Variants in ROBO2 observed in about 807,000 individuals in gnomAD.
The protein encoded by ROBO2 is roundabout homolog 2.
A neutral mutation model predicts 160.8 loss-of-function variants in ROBO2; 53 were observed. The observed-to-expected ratio is 0.33, with a 90% CI of 0.26 to 0.41. ROBO2 has a LOEUF of 0.41. ROBO2 is among the 10% of genes least tolerant of loss of function. The pLI, the probability that ROBO2 is intolerant of heterozygous loss-of-function variation, is 1.00. For missense variants in ROBO2, 1,577 were observed against 1,722.4 expected (o/e 0.92, Z 1.49); for synonymous variants, 664 against 611.7 (o/e 1.09, Z -1.26).
At chr3:76,206,779 T>C (rs1702834088) in intron 2 of ROBO2, among the ~76,000 whole-genome samples, 1 of 152,166 alleles carries the variant, frequency 6.6e-6, no homozygotes. Flanking sequence ...GGGATTCTAA[T>C]ACATCCCCCA....
intron 2 of ROBO2, among the ~76,000 whole-genome samples, chr3:76,830,358 A>G (rs1379709151): frequency 6.6e-6 from 1 of 152,042 alleles, no homozygotes; most frequent in African/African-American, 2.4e-5. Flanking sequence ...ATTTTAACAG[A>G]TATTGTTCTA....
At chr3:77,346,570 T>C (rs1363898338) in intron 2 of ROBO2, among the ~76,000 whole-genome samples, 3 of 152,176 alleles carry the variant, frequency 2.0e-5, no homozygotes, top group Non-Finnish European at 2.9e-5. Context: ...TAGGCTCAGC[T>C]ACCTTTCTGC....
intron 2 of ROBO2, among the ~76,000 whole-genome samples, chr3:76,588,041 T>G (rs1298826271): frequency 6.6e-6 from 1 of 152,178 alleles, no homozygotes; most frequent in Non-Finnish European, 1.5e-5. Flanking sequence ...ATAAAATTAA[T>G]GGGGTGTGTG....
At chr3:77,099,940 A>G (rs961286651) in intron 2 of ROBO2, among the ~76,000 whole-genome samples, 2 of 152,022 alleles carry the variant, frequency 1.3e-5, no homozygotes, top group Non-Finnish European at 2.9e-5. Flanking sequence ...TCTATTTTAA[A>G]TATATAAAAA....
intron 2 of ROBO2, among the ~76,000 whole-genome samples, chr3:76,114,563 TATTATC>T (rs1489209019): frequency 2.6e-5 from 4 of 152,122 alleles, no homozygotes; most frequent in African/African-American, 4.8e-5. Flanking sequence ...CTGATATAAT[TATTATC>T]ATTATCTTTA....
intron 2 of ROBO2, among the ~76,000 whole-genome samples, chr3:76,321,366 T>G (rs1433694789): frequency 1.3e-5 from 2 of 151,802 alleles, no homozygotes; most frequent in Admixed American, 1.3e-4. Flanking sequence ...AATACAAAAA[T>G]TAGCTGGGCG....
At chr3:76,131,331 G>A (rs964680687) in intron 2 of ROBO2, among the ~76,000 whole-genome samples, 1 of 152,076 alleles carries the variant, frequency 6.6e-6, no homozygotes, top group Non-Finnish European at 1.5e-5. Flanking sequence ...AATCAGAAAG[G>A]CATTGTGACA....
At chr3:77,296,540 C>G (rs963838000) in intron 2 of ROBO2, among the ~76,000 whole-genome samples, 2 of 151,884 alleles carry the variant, frequency 1.3e-5, no homozygotes, top group South Asian at 2.1e-4. Context: ...TCTTTTTTTC[C>G]TAAATTACTG....
intron 5 of ROBO2, among the ~76,000 whole-genome samples, chr3:77,505,493 A>G (rs1235299100): frequency 1.3e-5 from 2 of 152,158 alleles, no homozygotes; most frequent in African/African-American, 2.4e-5. Context: ...ATCATTTTTA[A>G]TCATGTAATA....
intron 2 of ROBO2, among the ~76,000 whole-genome samples, chr3:76,000,246 A>G (rs529177102): frequency 1.3e-5 from 2 of 152,252 alleles, no homozygotes; most frequent in Non-Finnish European, 2.9e-5. Flanking sequence ...AGATGACGCT[A>G]AGAGAGAATT....
intron 8 of ROBO2, among the ~76,000 whole-genome samples, chr3:77,553,508 A>G (rs2092997739): frequency 6.6e-6 from 1 of 151,968 alleles, no homozygotes; most frequent in Admixed American, 6.6e-5. Context: ...CATGTCAAAA[A>G]CTGAGATAGG....
At position 76,524,583 on chromosome 3, in the gene ROBO2, A is replaced by G. The variant is rs75655797; in HGVS notation, c.110-573431A>G. On this transcript the variant is annotated intron_variant, in intron 2 of 26. Coordinates refer to the ROBO2 transcript ENST00000487694. ...ATGGGACGCTTTTCAATGGAATTCA[A>G]TGATTTCCATCAGTTATCATTTTTA... 1.4e-3 allele frequency among the ~76,000 whole-genome samples: 209 copies of G among 151,848 alleles called. 2 individuals carry two copies. In the East Asian group the frequency reaches 0.039, roughly 28 times the overall value.
chr3:76,204,506 A>T (rs1302088003), intron 2 of ROBO2, among the ~76,000 whole-genome samples: 1 of 152,214 alleles, frequency 6.6e-6, no homozygotes, highest in African/African-American at 2.4e-5. Context: ...CTGGAGAGAA[A>T]TAGAATGTTC....
intron 2 of ROBO2, among the ~76,000 whole-genome samples, chr3:77,110,780 A>C (rs559945822): frequency 1.3e-5 from 2 of 151,938 alleles, no homozygotes; most frequent in South Asian, 4.2e-4. Context: ...TGCAGCCTTG[A>C]CTTCCCAGAC....
chr3:77,640,199 C>G (rs1015353905), intron 24 of ROBO2, among the ~76,000 whole-genome samples: 2 of 148,830 alleles, frequency 1.3e-5, no homozygotes, highest in African/African-American at 2.5e-5. Flanking sequence ...GCAAGATCCG[C>G]CTCCCGGGTT....
intron 2 of ROBO2, among the ~76,000 whole-genome samples, chr3:76,265,738 C>T (rs539068499): frequency 1.7e-4 from 26 of 152,084 alleles, no homozygotes; most frequent in Non-Finnish European, 3.4e-4. Flanking sequence ...AAAGAAGGGT[C>T]AGAACCAGAG....
chr3:76,879,166 T>A (rs2073087021), intron 2 of ROBO2, among the ~76,000 whole-genome samples: 1 of 152,174 alleles, frequency 6.6e-6, no homozygotes, highest in African/African-American at 2.4e-5. Context: ...AGTTTTCATG[T>A]CGTATTTAAT....
At chr3:76,028,993 A>C (rs1240286443) in intron 2 of ROBO2, among the ~76,000 whole-genome samples, 1 of 152,034 alleles carries the variant, frequency 6.6e-6, no homozygotes, top group Non-Finnish European at 1.5e-5. Flanking sequence ...TCTAAAGACC[A>C]CTTTTCTTGT....
chr3:77,605,534 T>C (rs1416704657), intron 20 of ROBO2, among the ~76,000 whole-genome samples: 1 of 152,212 alleles, frequency 6.6e-6, no homozygotes, highest in Non-Finnish European at 1.5e-5. Flanking sequence ...GATTGTTGGA[T>C]AGAAAGCCCT....
Sources: gnomAD v4.1 joint callset for allele counts (sites outside exome capture counted in the v4.1 genomes callset) on GRCh38, gnomAD v4.1.1 for gene constraint, MANE v1.5 for transcripts, NCBI Gene and HGNC (gene_info 2026-07-23, HGNC 2026-07-21) for gene names.